The following DSTN variants were observed in gnomAD, a reference collection of about 807,000 sequenced individuals.
The protein encoded by DSTN is destrin.
DSTN carries 10 observed loss-of-function variants against 16.8 expected under a neutral mutation model. The observed-to-expected ratio is 0.60, with a 90% CI of 0.37 to 1.01. DSTN has a LOEUF of 1.01. Among genes scored for constraint, DSTN ranks in the 50% least tolerant of loss-of-function variants. The pLI is 0.01. For synonymous variants in DSTN, 57 were observed against 58.9 expected, an observed-to-expected ratio of 0.97 and a Z score of 0.14; for missense variants, 141 against 196.7, an observed-to-expected ratio of 0.72 and a Z score of 1.69.
chr20:17,595,383 T>A (rs745394963), intron 1 of DSTN, among the ~76,000 whole-genome samples: 9 of 152,158 alleles, frequency 5.9e-5, no homozygotes, highest in Non-Finnish European at 1.3e-4. Flanking sequence ...ACCTCAAAAC[T>A]GTCATTTTCC....
chr20:17,587,220 AT>A (rs1316970410), intron 1 of DSTN, among the ~76,000 whole-genome samples: 4 of 144,342 alleles, frequency 2.8e-5, no homozygotes, highest in African/African-American at 7.8e-5. Context: ...AAAAAAAAAA[AT>A]TCTTGTTATG....
chr20:17,580,687 G>A (rs1163848393), intron 1 of DSTN, among the ~76,000 whole-genome samples: 3 of 151,964 alleles, frequency 2.0e-5, no homozygotes, highest in Non-Finnish European at 4.4e-5. Flanking sequence ...GGCGGAGGTT[G>A]CAGTGAGCCG....
chr20:17,594,062 C>T (rs1375154035), intron 1 of DSTN, among the ~76,000 whole-genome samples: 5 of 150,298 alleles, frequency 3.3e-5, no homozygotes, highest in Non-Finnish European at 5.9e-5. Context: ...GCCTGGGTGA[C>T]GAAGTGACAC....
rs964940330 is a variant in DSTN, at chr20:17,604,464, CAGCAAATGTTTACACA to C, written c.312-78_312-63del. Reference sequence around the variant, plus strand: ...TATCTCAGGAGAGTCTGAGGATTCTCAGCAAATGTTTACACAAGCAAATGTTTAACAAGTTGCAAGT... The same window carrying C: ...TATCTCAGGAGAGTCTGAGGATTCTCAGCAAATGTTTAACAAGTTGCAAGT... On this transcript the variant is annotated intron_variant, in intron 2 of 3. Transcript: ENST00000246069. The C allele has an allele frequency of 4.5e-6, 6 of 1,324,054 alleles. No homozygotes were observed. In the African/African-American group the frequency reaches 7.4e-5, roughly 16 times the overall value. 82.0% of individuals were successfully genotyped at this position (1,324,054 alleles called of 1,614,324 possible). A position where few individuals can be genotyped will look rare whatever the true frequency, so the allele number is the denominator to read the frequency against.
intron 1 of DSTN, among the ~76,000 whole-genome samples, chr20:17,590,087 T>C (rs1325665074): frequency 6.6e-6 from 1 of 152,224 alleles, no homozygotes. Flanking sequence ...ATCATTGCAT[T>C]TAGCTTTTGG....
intron 1 of DSTN, among the ~76,000 whole-genome samples, chr20:17,577,203 A>G (rs2035288505): frequency 6.6e-6 from 1 of 152,224 alleles, no homozygotes; most frequent in Non-Finnish European, 1.5e-5. Flanking sequence ...ATCTGAAATC[A>G]AATGCTTGGT....
chr20:17,579,190 T>G (rs2035315805), intron 1 of DSTN, among the ~76,000 whole-genome samples: 1 of 152,142 alleles, frequency 6.6e-6, no homozygotes, highest in Non-Finnish European at 1.5e-5. Context: ...TCCTGACACA[T>G]TCTGTGCCTC....
intron 2 of DSTN, among the ~76,000 whole-genome samples, chr20:17,603,658 G>A (rs1360294863): frequency 6.6e-6 from 1 of 152,228 alleles, no homozygotes; most frequent in Non-Finnish European, 1.5e-5. Flanking sequence ...TGCTGAAGGT[G>A]CTGTGACACA....
At chr20:17,604,112 G>C (rs1050927073) in intron 2 of DSTN, among the ~76,000 whole-genome samples, 9 of 152,070 alleles carry the variant, frequency 5.9e-5, no homozygotes, top group African/African-American at 2.2e-4. Flanking sequence ...ATTATTCTCT[G>C]TACTTTTATG....
chr20:17,583,231 A>C (rs1366459915), intron 1 of DSTN, among the ~76,000 whole-genome samples: 1 of 152,246 alleles, frequency 6.6e-6, no homozygotes, highest in Non-Finnish European at 1.5e-5. Context: ...GCACCCATAC[A>C]TTGCTGGTGA....
chr20:17,575,691 A>G (rs1019496969), intron 1 of DSTN, among the ~76,000 whole-genome samples: 1 of 152,180 alleles, frequency 6.6e-6, no homozygotes, highest in African/African-American at 2.4e-5. Context: ...ATAAATTTAT[A>G]TATAAAGACG....
rs779496560 is a variant in DSTN at position 17,607,022 on chromosome 20, G to GT, written c.389-9dup. 9.3e-6 allele frequency: 15 copies of GT among 1,611,606 alleles called. No individual in the cohort carries two copies. The South Asian group carries it at 1.2e-4, about 13-fold the overall frequency. On this transcript the variant is annotated splice_polypyrimidine_tract_variant and intron_variant, in intron 3 of 3. Coordinates refer to ENST00000246069, the MANE Select transcript of DSTN (RefSeq NM_006870.4). Reference sequence around the variant, plus strand: ...TGCCATAATTGTAAATAGAAGTGTTGTTTTTTCTCTCTAGGCATAAAACAT... The same window carrying GT: ...TGCCATAATTGTAAATAGAAGTGTTGTTTTTTTCTCTCTAGGCATAAAACAT...
At chr20:17,572,577 T>C in intron 1 of DSTN, among the ~76,000 whole-genome samples, 1 of 152,198 alleles carries the variant, frequency 6.6e-6, no homozygotes, top group East Asian at 1.9e-4. Flanking sequence ...CCCTTAACCT[T>C]ATCCTAATCT....
At chr20:17,599,479 A>G (rs2035562721) in intron 1 of DSTN, 1 of 152,240 alleles carries the variant, frequency 6.6e-6, no homozygotes, top group South Asian at 2.1e-4. Flanking sequence ...AGCATAACAG[A>G]TACATTGAGG....
In DSTN at chr20:17,604,613, A is replaced by G; in HGVS notation, c.370A>G (p.Ile124Val). 1 of 1,613,598 alleles carries G rather than the reference A, an allele frequency of 6.2e-7. No individual in the cohort carries two copies. The highest frequency in any genetic ancestry group is 8.5e-7 in the Non-Finnish European group (1 of 1,179,878). Residue 124 changes from isoleucine (I) to valine (V), a missense_variant, in exon 3 of 4, where the codon ATT (isoleucine) becomes GTT (valine). Ile to Val is a conservative substitution (Grantham distance 29). Transcript: ENST00000246069. Reference protein sequence around the residue: ...KMIYASSKDAIKKKFQGIKHE... With the variant: ...KMIYASSKDAVKKKFQGIKHE... The stretch of plus-strand genomic sequence containing the variant: ...GATCTATGCAAGCTCCAAGGATGCA[A>G]TTAAAAAGAAATTTCAAGGTATGTT...
chr20:17,582,542 G>T (rs1270587135), intron 1 of DSTN, among the ~76,000 whole-genome samples: 2 of 152,192 alleles, frequency 1.3e-5, no homozygotes, highest in African/African-American at 4.8e-5. Flanking sequence ...ATCTATAAAG[G>T]ATAAAACTGT....
chr20:17,601,295 G>C (rs1376561455), intron 2 of DSTN, among the ~76,000 whole-genome samples: 1 of 147,422 alleles, frequency 6.8e-6, no homozygotes, highest in East Asian at 2.0e-4. Flanking sequence ...AAGGACAGGA[G>C]GCATCCTCTG....
chr20:17,575,911 C>T (rs1600698537), intron 1 of DSTN, among the ~76,000 whole-genome samples: 1 of 152,182 alleles, frequency 6.6e-6, no homozygotes, highest in South Asian at 2.1e-4. Flanking sequence ...AAGATTTACA[C>T]CTAACACTTC....
At chr20:17,579,959 C>A (rs1279140436) in intron 1 of DSTN, among the ~76,000 whole-genome samples, 1 of 152,206 alleles carries the variant, frequency 6.6e-6, no homozygotes, top group Admixed American at 6.5e-5. Flanking sequence ...CTGGATATAT[C>A]TTTAGAATAG....
Sources: gnomAD v4.1 joint callset for allele counts (sites outside exome capture counted in the v4.1 genomes callset) on GRCh38, gnomAD v4.1.1 for gene constraint, MANE v1.5 for transcripts, NCBI Gene and HGNC (gene_info 2026-07-23, HGNC 2026-07-21) for gene names.